Variants in C3orf52 observed in about 807,000 individuals in gnomAD.
C3orf52 encodes chromosome 3 open reading frame 52, also known as TPA-induced transmembrane protein.
In C3orf52, 22 loss-of-function variants were observed where a neutral mutation model predicts 24.8. That is an observed-to-expected ratio of 0.89 (90% CI 0.63 to 1.27). The LOEUF (loss-of-function observed/expected upper bound fraction) is 1.27, where lower values mean the gene tolerates loss of function less well. Ranked by LOEUF, C3orf52 falls within the 50% of genes most tolerant of loss-of-function variation. The pLI is 0.00. For missense variants in C3orf52, 265 were observed against 260.7 expected, an observed-to-expected ratio of 1.02 and a Z score of -0.11; for synonymous variants, 93 against 100.2, an observed-to-expected ratio of 0.93 and a Z score of 0.43.
chr3:112,103,444 G>T (rs1189269049), intron 3 of C3orf52, among the ~76,000 whole-genome samples: 1 of 152,170 alleles, frequency 6.6e-6, no homozygotes, highest in Non-Finnish European at 1.5e-5. Flanking sequence ...GCCTCCAGCT[G>T]CATAAATGCT....
intron 4 of C3orf52, chr3:112,126,848 T>C (rs1036313602): frequency 1.2e-4 from 82 of 679,638 alleles, no homozygotes; most frequent in Non-Finnish European, 1.8e-4. Context: ...ACAAAGGACA[T>C]GCAATTGGAT....
intron 2 of C3orf52, among the ~76,000 whole-genome samples, chr3:112,094,099 A>C (rs1324913962): frequency 1.3e-5 from 2 of 152,188 alleles, no homozygotes; most frequent in Non-Finnish European, 2.9e-5. Flanking sequence ...AGTTCAAGGA[A>C]TTCTCATGCC....
chr3:112,126,431 AACTTCAGTGCTATTC>A, intron 4 of C3orf52, among the ~76,000 whole-genome samples: 1 of 152,090 alleles, frequency 6.6e-6, no homozygotes, highest in Admixed American at 6.5e-5. Flanking sequence ...CTTTCTCCTT[AACTTCAGTGCTATTC>A]TATCACCAGA....
downstream of C3orf52, chr3:112,135,254 C>T (rs2074539532): frequency 6.6e-6 from 1 of 152,110 alleles, no homozygotes; most frequent in Non-Finnish European, 1.5e-5. Context: ...AAGTATGTGT[C>T]GAGTGCCTAC....
chr3:112,091,059 A>G (rs980300290), intron 1 of C3orf52, among the ~76,000 whole-genome samples: 40 of 152,176 alleles, frequency 2.6e-4, no homozygotes, highest in African/African-American at 8.7e-4. Flanking sequence ...TCCTCTGTCA[A>G]GATATCCCTA....
At chr3:112,103,421 G>A (rs1345953082) in intron 3 of C3orf52, among the ~76,000 whole-genome samples, 2 of 152,180 alleles carry the variant, frequency 1.3e-5, no homozygotes, top group African/African-American at 4.8e-5. Context: ...CAAAGCCAGA[G>A]GGAAGATTCC....
chr3:112,105,756 G>A (rs2074017771), intron 3 of C3orf52, among the ~76,000 whole-genome samples: 1 of 150,082 alleles, frequency 6.7e-6, no homozygotes, highest in Admixed American at 6.7e-5. Context: ...CCGGCAGGCA[G>A]AGCTTGCAGT....
intron 3 of C3orf52, among the ~76,000 whole-genome samples, chr3:112,106,943 T>C (rs2074030885): frequency 6.6e-6 from 1 of 152,170 alleles, no homozygotes; most frequent in Non-Finnish European, 1.5e-5. Flanking sequence ...CCAAGCCTCA[T>C]AGACATTGTG....
chr3:112,109,710 T>TGTAATAGGAATCA, intron 4 of C3orf52, 97 bp downstream of exon 4: 1 of 738,486 alleles, frequency 1.4e-6, no homozygotes, highest in Non-Finnish European at 2.4e-6. Context: ...TCCCAGAGCC[T>TGTAATAGGAATCA]CAGAGCATGA....
At chr3:112,119,524 T>C, downstream of C3orf52, 1 of 702,982 alleles carries the variant, frequency 1.4e-6, no homozygotes, top group South Asian at 1.5e-5. Context: ...TAAGAAGATT[T>C]GCCTTCCTTT....
chr3:112,106,972 G>A (rs2074031126), intron 3 of C3orf52, among the ~76,000 whole-genome samples: 2 of 152,276 alleles, frequency 1.3e-5, no homozygotes, highest in Admixed American at 1.3e-4. Flanking sequence ...ACAAGACTAA[G>A]GGTTGAGGAA....
intron 4 of C3orf52, among the ~76,000 whole-genome samples, chr3:112,124,162 A>G (rs1235269548): frequency 6.6e-6 from 1 of 152,150 alleles, no homozygotes; most frequent in African/African-American, 2.4e-5. Context: ...CGCAGTTATG[A>G]GTGTACCGCC....
At chr3:112,123,873 T>G in intron 4 of C3orf52, 1 of 1,227,692 alleles carries the variant, frequency 8.1e-7, no homozygotes, top group Admixed American at 2.3e-5. Context: ...GTCTGTCTTC[T>G]ATGACCACCT....
In C3orf52 at chr3:112,112,989, G is replaced by T; in HGVS notation, c.493G>T (p.Asp165Tyr). 1.9e-6 allele frequency: 3 copies of T among 1,608,106 alleles called. No homozygotes were observed. The highest frequency in any genetic ancestry group is 2.2e-5 in the South Asian group (2 of 89,422). ...TGGTGAAAATGCCACAGTAACGTAT[G>T]ACCTGCAATTTGGGGTTCCATCAGA... ...FSGENATVTYDLQFGVPSDDE... is the reference protein window; with the variant it reads ...FSGENATVTYYLQFGVPSDDE... Residue 165 changes from aspartate (D) to tyrosine (Y), a missense_variant, in exon 5 of 6, where the codon GAC becomes TAC. Coordinates refer to ENST00000264848, the MANE Select transcript of C3orf52 (RefSeq NM_024616.3).
At chr3:112,118,784 AG>A (rs2074162562), downstream of C3orf52, among the ~76,000 whole-genome samples, 1 of 152,212 alleles carries the variant, frequency 6.6e-6, no homozygotes, top group Admixed American at 6.5e-5. Flanking sequence ...TAATAATTGA[AG>A]GATTTGAGAA....
downstream of C3orf52, chr3:112,130,996 A>G (rs1051329064): frequency 2.5e-5 from 4 of 160,852 alleles, no homozygotes; most frequent in African/African-American, 9.6e-5. Context: ...AATAAAGAAA[A>G]TAAATTGGTT....
chr3:112,104,546 G>A (rs1177481042), intron 3 of C3orf52, among the ~76,000 whole-genome samples: 1 of 151,760 alleles, frequency 6.6e-6, no homozygotes, highest in East Asian at 1.9e-4. Context: ...CACAGGAGTT[G>A]GTATCCTGTG....
chr3:112,119,374 A>AC (rs1194822139), downstream of C3orf52: 1 of 584,748 alleles, frequency 1.7e-6, no homozygotes, highest in Non-Finnish European at 3.0e-6. Flanking sequence ...AAACTCCATA[A>AC]CAAACAAACA....
intron 3 of C3orf52, among the ~76,000 whole-genome samples, chr3:112,107,247 A>G (rs968356615): frequency 6.6e-6 from 1 of 152,236 alleles, no homozygotes; most frequent in Admixed American, 6.5e-5. Flanking sequence ...GAAGACTGGA[A>G]GGAAGGATAA....
Sources: gnomAD v4.1 joint callset for allele counts (sites outside exome capture counted in the v4.1 genomes callset) on GRCh38, gnomAD v4.1.1 for gene constraint, MANE v1.5 for transcripts, NCBI Gene and HGNC (gene_info 2026-07-23, HGNC 2026-07-21) for gene names.